DENND1A: variants seen among roughly 807,000 people sequenced by gnomAD.
The protein encoded by DENND1A is DENN domain containing 1A, also known as DENN domain-containing protein 1A.
A neutral mutation model predicts 113.7 loss-of-function variants in DENND1A; 51 were observed. The observed-to-expected ratio is 0.45, with a 90% confidence interval of 0.36 to 0.57. DENND1A has a LOEUF of 0.57. DENND1A is among the 20% of genes least tolerant of loss of function. The pLI is 0.00. For missense variants in DENND1A, 1,258 were observed against 1,395.9 expected, an observed-to-expected ratio of 0.90 and a Z score of 1.57; for synonymous variants, 565 against 570.8, an observed-to-expected ratio of 0.99 and a Z score of 0.14.
intron 2 of DENND1A, among the ~76,000 whole-genome samples, chr9:123,854,844 C>T (rs1258155008): frequency 2.0e-5 from 3 of 150,832 alleles, no homozygotes; most frequent in Non-Finnish European, 4.4e-5. Context: ...TATCAGCTAC[C>T]GAGATAGTAC....
intron 2 of DENND1A, among the ~76,000 whole-genome samples, chr9:123,846,153 TC>T (rs1056366941): frequency 2.6e-5 from 4 of 152,180 alleles, no homozygotes; most frequent in Admixed American, 2.0e-4. Flanking sequence ...TGTCACTTCA[TC>T]CCCACTAGAA....
intron 5 of DENND1A, among the ~76,000 whole-genome samples, chr9:123,730,827 C>T (rs1264007033): frequency 6.6e-6 from 1 of 152,092 alleles, no homozygotes; most frequent in African/African-American, 2.4e-5. Flanking sequence ...TGCGGCACTG[C>T]TCACAACAGC....
At chr9:123,384,803 C>T (rs547648904) in intron 22 of DENND1A, among the ~76,000 whole-genome samples, 3 of 152,080 alleles carry the variant, frequency 2.0e-5, no homozygotes, top group South Asian at 2.1e-4. Flanking sequence ...CAAAAATTTG[C>T]GGGGTGTGGT....
intron 12 of DENND1A, among the ~76,000 whole-genome samples, chr9:123,566,802 T>C (rs1466062674): frequency 1.3e-5 from 2 of 152,150 alleles, no homozygotes; most frequent in African/African-American, 4.8e-5. Flanking sequence ...GTGAAGACTT[T>C]TGTGTTTTTC....
At chr9:123,836,560 C>A (rs1407413086) in intron 2 of DENND1A, among the ~76,000 whole-genome samples, 5 of 151,686 alleles carry the variant, frequency 3.3e-5, no homozygotes, top group Non-Finnish European at 1.5e-5. Context: ...AGAAAGGTAG[C>A]CAAAAAGGTG....
At chr9:123,391,761 G>GGAA (rs370434845) in intron 21 of DENND1A, among the ~76,000 whole-genome samples, 9 of 110,380 alleles carry the variant, frequency 8.2e-5, no homozygotes, top group African/African-American at 1.1e-4. Context: ...GGCAGAATAT[G>GGAA]AAAAAAAAAA....
chr9:123,432,423 C>T (rs534544888), intron 19 of DENND1A, among the ~76,000 whole-genome samples: 8 of 152,162 alleles, frequency 5.3e-5, no homozygotes, highest in Non-Finnish European at 8.8e-5. Context: ...GTCATGGCAG[C>T]GAATGAGTCC....
At chr9:123,568,566 A>G (rs2058179728) in intron 12 of DENND1A, among the ~76,000 whole-genome samples, 1 of 152,218 alleles carries the variant, frequency 6.6e-6, no homozygotes, top group Admixed American at 6.5e-5. Context: ...TGCTGAGCCT[A>G]GTGGATTTAC....
At chr9:123,841,881 C>T (rs1235902915) in intron 2 of DENND1A, among the ~76,000 whole-genome samples, 1 of 152,042 alleles carries the variant, frequency 6.6e-6, no homozygotes, top group Non-Finnish European at 1.5e-5. Context: ...GTTTGCATAC[C>T]TGATTTTTTA....
At chr9:123,714,000 T>C (rs988241636) in intron 5 of DENND1A, among the ~76,000 whole-genome samples, 2 of 152,128 alleles carry the variant, frequency 1.3e-5, no homozygotes, top group African/African-American at 4.8e-5. Flanking sequence ...CATCTAAAAA[T>C]TGGAATTTAC....
At chr9:123,798,515 A>T (rs1006191814) in intron 2 of DENND1A, 1 of 152,170 alleles carries the variant, frequency 6.6e-6, no homozygotes, top group African/African-American at 2.4e-5. Context: ...AGGGAGTTTC[A>T]TCTTTCTTTC....
chr9:123,525,960 C>A (rs928246290), intron 13 of DENND1A, among the ~76,000 whole-genome samples: 1 of 151,984 alleles, frequency 6.6e-6, no homozygotes, highest in South Asian at 2.1e-4. Flanking sequence ...GGGTCTATGT[C>A]ACCCAGGCTG....
At chr9:123,653,171 G>C (rs868568616) in intron 8 of DENND1A, among the ~76,000 whole-genome samples, 2 of 152,260 alleles carry the variant, frequency 1.3e-5, no homozygotes, top group Middle Eastern at 6.8e-3. Context: ...CAATATTATG[G>C]GCTGGGAGTA....
chr9:123,412,665 G>A (rs1463862541), intron 19 of DENND1A, among the ~76,000 whole-genome samples: 1 of 152,178 alleles, frequency 6.6e-6, no homozygotes, highest in Non-Finnish European at 1.5e-5. Context: ...TATCTTGAAC[G>A]CCCAGCAGTG....
intron 2 of DENND1A, among the ~76,000 whole-genome samples, chr9:123,827,533 C>T (rs1355652218): frequency 6.6e-5 from 10 of 151,930 alleles, no homozygotes; most frequent in Non-Finnish European, 1.3e-4. Context: ...CACACATGTA[C>T]ATGTACACAC....
chr9:123,591,743 G>A lies in DENND1A; in HGVS notation c.766-8473C>T, dbSNP rs1462120359. On this transcript the variant is annotated intron_variant, in intron 11 of 23. Transcript: ENST00000394215. ...ATCCACTCTACTGGGAGGTCTGCCT[G>A]GCAGCAGATGTCAATGTAAGCCCGA... is the stretch of plus-strand genomic sequence containing the variant. Among the ~76,000 whole-genome samples the A allele has an allele frequency of 2.0e-5, 3 of 152,352 alleles. No individual in the cohort carries two copies. In the East Asian group the frequency reaches 5.8e-4, roughly 29 times the overall value.
At chr9:123,391,764 A>G (rs942772305) in intron 21 of DENND1A, among the ~76,000 whole-genome samples, 1 of 142,960 alleles carries the variant, frequency 7.0e-6, no homozygotes. Context: ...AGAATATGAA[A>G]AAAAAAAAAA....
At chr9:123,631,683 T>C (rs2061482310) in intron 9 of DENND1A, among the ~76,000 whole-genome samples, 1 of 152,214 alleles carries the variant, frequency 6.6e-6, no homozygotes, top group African/African-American at 2.4e-5. Context: ...ACATAGGTAA[T>C]CAATTGCTCT....
intron 1 of DENND1A, among the ~76,000 whole-genome samples, chr9:123,887,296 C>CA (rs1219133753): frequency 4.6e-5 from 7 of 152,180 alleles, no homozygotes; most frequent in East Asian, 1.9e-4. Context: ...TGTGAGATGT[C>CA]AGAGCCTGGG....
Sources: gnomAD v4.1 joint callset for allele counts (sites outside exome capture counted in the v4.1 genomes callset) on GRCh38, gnomAD v4.1.1 for gene constraint, MANE v1.5 for transcripts, NCBI Gene and HGNC (gene_info 2026-07-23, HGNC 2026-07-21) for gene names.